CFAP57: variants seen among roughly 807,000 people sequenced by gnomAD.
CFAP57 encodes cilia- and flagella-associated protein 57.
Under a neutral mutation model 146.8 loss-of-function variants are expected in CFAP57, and 116 were observed. The observed-to-expected ratio is 0.79, with a 90% CI of 0.68 to 0.92. The LOEUF is 0.92. Among genes scored for constraint, CFAP57 ranks in the 40% least tolerant of loss-of-function variants. CFAP57 has a pLI of 0.00. For synonymous variants in CFAP57, 518 were observed against 552.8 expected (o/e 0.94, Z 0.88); for missense variants, 1,377 against 1,527.2 (o/e 0.90, Z 1.64).
Position 43,198,629 on chromosome 1 carries a change from G to T in CFAP57, c.1411G>T (p.Val471Phe). 1 of 1,611,444 alleles carries T rather than the reference G, an allele frequency of 6.2e-7. No individual in the cohort carries two copies. The highest frequency in any genetic ancestry group is 8.5e-7 in the Non-Finnish European group (1 of 1,179,176). The change falls in exon 8 of 23, where the codon GTT (valine) becomes TTT (phenylalanine). Residue 471 changes from valine (V) to phenylalanine (F), a missense_variant. Coordinates refer to ENST00000372492, the MANE Select transcript of CFAP57 (RefSeq NM_001378189.1). The part of the protein sequence containing the change: ...DDIRSFKEYS[V>F]RGCGECSFSN... ...TATACGTTCTTTCAAAGAATACTCT[G>T]TTAGAGGATGCGGAGAGGTAAAAAA...
At position 43,209,791 on chromosome 1, in the gene CFAP57, A is replaced by C. The variant is rs1644517877; in HGVS notation, c.1804A>C (p.Ile602Leu). The C allele has an allele frequency of 1.2e-6, 2 of 1,614,162 alleles. No homozygotes were observed. Among genetic ancestry groups the C allele is most frequent in the Admixed American group, 1.7e-5 (1 of 60,024 alleles). Residue 602 changes from isoleucine to leucine, a missense_variant, in exon 11 of 23, where the codon ATC becomes CTC. Ile to Leu is a conservative substitution (Grantham distance 5). Coordinates refer to ENST00000372492, the MANE Select transcript of CFAP57 (RefSeq NM_001378189.1). ...TGATGTCACCTACACCGCCATTGTC[A>C]TCTCGCATTCTGGACGCATGATGTT... The part of the protein sequence containing the change: ...AFDVTYTAIV[I>L]SHSGRMMFVG...
chr1:43,218,548 C>T (rs1316035434), intron 12 of CFAP57, among the ~76,000 whole-genome samples: 1 of 151,462 alleles, frequency 6.6e-6, no homozygotes, highest in Non-Finnish European at 1.5e-5. Context: ...GTCAAGGCTA[C>T]AGTGAGCCAT....
In CFAP57 at chr1:43,222,203, C is replaced by A; in HGVS notation, c.2440C>A (p.Arg814=). 1 of 1,540,474 alleles carries A rather than the reference C, an allele frequency of 6.5e-7. No homozygotes were observed. The highest frequency in any genetic ancestry group is 8.8e-7 in the Non-Finnish European group (1 of 1,141,348). The change falls in exon 15 of 23, where the codon CGG becomes AGG. Residue 814 remains arginine, a synonymous_variant. Coordinates refer to ENST00000372492, the MANE Select transcript of CFAP57 (RefSeq NM_001378189.1). ...GCAGGAAGAGTATGAAAAACAGCTC[C>A]GGGATAACGATGAGACCAAGAGCCA... ...RMQEEYEKQL[R]DNDETKSQAL...
chr1:43,173,000 T>C, intron 2 of CFAP57, 90 bp downstream of exon 2: 1 of 1,276,988 alleles, frequency 7.8e-7, no homozygotes, highest in East Asian at 2.3e-5. Context: ...AAGAAAGATT[T>C]TGGCCAATTT....
rs1270956656 is a variant in CFAP57, at chr1:43,227,478, C to G, written c.3009+352C>G. 2.6e-5 allele frequency among the ~76,000 whole-genome samples: 4 copies of G among 152,222 alleles called. No individual in the cohort carries two copies. The East Asian group carries it at 7.7e-4, about 29-fold the overall frequency. On this transcript the variant is annotated intron_variant, in intron 18 of 22. Transcript: ENST00000372492. ...TGTACTCAGCCAACAGGCTATCCTT[C>G]TAGTTCAGCATTTTTTTCTCAAACT...
Position 43,172,739 on chromosome 1 carries a change from GTT to G in CFAP57, c.-13_-12del. 6.2e-7 allele frequency: 1 copy of G among 1,613,514 alleles called. No homozygotes were observed. The highest frequency in any genetic ancestry group is 1.3e-5 in the African/African-American group (1 of 74,920). ...CGCTGCCTTGGTCTTCAGCAGAACT[GTT>G]TGGCGGGAGATCATGTCAGCCGTGG... On this transcript the variant is annotated 5_prime_UTR_variant, in exon 2 of 23. Transcript: ENST00000372492.
At chr1:43,207,037 A>G (rs944138468) in intron 10 of CFAP57, 105 bp downstream of exon 10, 6 of 1,125,504 alleles carry the variant, frequency 5.3e-6, no homozygotes, top group Non-Finnish European at 7.9e-6. Flanking sequence ...CTCTGCATAC[A>G]GGGCCCCTTC....
At chr1:43,210,840 C>A (rs551570181) in intron 11 of CFAP57, 1 of 151,520 alleles carries the variant, frequency 6.6e-6, no homozygotes, top group Non-Finnish European at 1.5e-5. Context: ...ATGTATTTTA[C>A]GACAATTTTA....
intron 9 of CFAP57, among the ~76,000 whole-genome samples, chr1:43,205,984 C>T (rs1404847036): frequency 6.6e-6 from 1 of 152,092 alleles, no homozygotes; most frequent in African/African-American, 2.4e-5. Context: ...TTTCCAGAGA[C>T]ATTTTATTTA....
intron 22 of CFAP57, 45 bp from the exon 23 acceptor site, chr1:43,253,932 G>T (rs766573335): frequency 3.3e-6 from 5 of 1,511,928 alleles, no homozygotes; most frequent in Middle Eastern, 1.7e-4. Flanking sequence ...CGGCTCTGCA[G>T]CAGTGCAATG....
chr1:43,228,088 A>G (rs2124589513), intron 18 of CFAP57, among the ~76,000 whole-genome samples: 1 of 152,324 alleles, frequency 6.6e-6, no homozygotes, highest in African/African-American at 2.4e-5. Flanking sequence ...TAGAGGCCTG[A>G]GTGAACTCCC....
At position 43,172,471 on chromosome 1, in the gene CFAP57, G is replaced by T. The variant is rs1378533326; in HGVS notation, c.-20+18G>T. Reference sequence around the variant, plus strand: ...AACGAAAGGTGGGAGGGGGTACCTGGGGGTCGCCAGAAGGAGCTGGTAGCA... The same window carrying T: ...AACGAAAGGTGGGAGGGGGTACCTGTGGGTCGCCAGAAGGAGCTGGTAGCA... On this transcript the variant is annotated intron_variant, in intron 1 of 22. Coordinates refer to ENST00000372492, the MANE Select transcript of CFAP57 (RefSeq NM_001378189.1). 2.6e-6 allele frequency: 4 copies of T among 1,541,988 alleles called. No individual in the cohort carries two copies. The South Asian group carries it at 4.8e-5, about 18-fold the overall frequency.
rs748917926 is a variant in CFAP57 at position 43,232,487 on chromosome 1, CT to C, written c.3010-17del. 2.6e-6 allele frequency: 4 copies of C among 1,540,936 alleles called. No homozygotes were observed. The highest frequency in any genetic ancestry group is 1.2e-5 in the South Asian group (1 of 83,736). On this transcript the variant is annotated intron_variant, in intron 18 of 22. Transcript: ENST00000372492. Reference sequence around the variant, plus strand: ...TTATCTAACTTTCTTCTTCTTGACTCTTTTCCCTTGTTGTCTACAGATGGAA... The same window carrying C: ...TTATCTAACTTTCTTCTTCTTGACTCTTTCCCTTGTTGTCTACAGATGGAA...
chr1:43,214,467 T>G (rs1472191590), intron 11 of CFAP57, among the ~76,000 whole-genome samples: 2 of 152,226 alleles, frequency 1.3e-5, no homozygotes, highest in Non-Finnish European at 2.9e-5. Context: ...CTTTTATTTC[T>G]GAGTAGTATT....
At chr1:43,241,118 G>T (rs986767398) in intron 21 of CFAP57, among the ~76,000 whole-genome samples, 1 of 152,218 alleles carries the variant, frequency 6.6e-6, no homozygotes, top group Non-Finnish European at 1.5e-5. Context: ...ACAGGTGTGA[G>T]CCACCGTGCC....
rs150456907 is a variant in CFAP57 at position 43,217,772 on chromosome 1, G to A, written c.2092-1610G>A. 2.5e-3 allele frequency among the ~76,000 whole-genome samples: 383 copies of A among 152,172 alleles called. 1 individual carries two copies. The highest frequency in any genetic ancestry group is 8.1e-3 in the African/African-American group (336 of 41,500). Reference sequence around the variant, plus strand: ...CTTTGGTCCTTCCTTAATCTAGTCCGTGCTGCGTACCGCCATTGGAGAGAT... The same window carrying A: ...CTTTGGTCCTTCCTTAATCTAGTCCATGCTGCGTACCGCCATTGGAGAGAT... On this transcript the variant is annotated intron_variant, in intron 12 of 22. Coordinates refer to ENST00000372492, the MANE Select transcript of CFAP57 (RefSeq NM_001378189.1).
At chr1:43,210,410 T>C (rs1644552426) in intron 11 of CFAP57, 2 of 1,197,528 alleles carry the variant, frequency 1.7e-6, no homozygotes, top group African/African-American at 1.5e-5. Context: ...ACAGTCAAAA[T>C]GTGGAAGCAA....
At chr1:43,247,740 G>A (rs915494682) in intron 22 of CFAP57, among the ~76,000 whole-genome samples, 4 of 152,126 alleles carry the variant, frequency 2.6e-5, no homozygotes, top group African/African-American at 4.8e-5. Flanking sequence ...ACAAACAAAC[G>A]AAAACTACAT....
At chr1:43,230,037 G>A (rs607949) in intron 18 of CFAP57, among the ~76,000 whole-genome samples, 108,015 of 152,164 alleles carry the variant, frequency 0.71, 42,689 homozygotes, top group Non-Finnish European at 0.89. Flanking sequence ...GCTTCTGGCT[G>A]TCCAGCCAGC....
Sources: gnomAD v4.1 joint callset for allele counts (sites outside exome capture counted in the v4.1 genomes callset) on GRCh38, gnomAD v4.1.1 for gene constraint, MANE v1.5 for transcripts, NCBI Gene and HGNC (gene_info 2026-07-23, HGNC 2026-07-21) for gene names.